The following C2CD2L variants were observed in gnomAD, a reference collection of about 807,000 sequenced individuals.
C2CD2L encodes the protein phospholipid transfer protein C2CD2L.
Under a neutral mutation model 69.9 loss-of-function variants are expected in C2CD2L, and 24 were observed. The ratio of observed to expected loss-of-function variants is 0.34; its 90% CI spans 0.25 to 0.48. The LOEUF (loss-of-function observed/expected upper bound fraction) is 0.48. Among genes scored for constraint, C2CD2L ranks in the 20% least tolerant of loss-of-function variants. The pLI is 0.99. For missense variants in C2CD2L, 811 were observed against 941.5 expected, an observed-to-expected ratio of 0.86 and a Z score of 1.81; for synonymous variants, 367 against 391.0, an observed-to-expected ratio of 0.94 and a Z score of 0.72.
Position 119,112,734 on chromosome 11 carries a change from G to T in C2CD2L, c.1247G>T (p.Gly416Val). The T allele has an allele frequency of 6.2e-7, 1 of 1,613,790 alleles. No homozygotes were observed. The highest frequency in any genetic ancestry group is 8.5e-7 in the Non-Finnish European group (1 of 1,179,828). The change falls in exon 10 of 14, where the codon GGT becomes GTT. Residue 416 changes from glycine (G) to valine (V), a missense_variant. By Grantham distance (109) the Gly-to-Val change is moderately radical. Coordinates refer to ENST00000648610, the MANE Select transcript of C2CD2L (RefSeq NM_001290474.2). ...GAGGAGGGCTCTCCCCGGAACCTGG[G>T]TACTCCCACCTCCTCCACTCCACGC... The part of the protein sequence containing the change: ...HYEEGSPRNL[G>V]TPTSSTPRPS...
chr11:119,117,771 G>GA lies in C2CD2L; in HGVS notation c.*1516dup, dbSNP rs1946928262. 6.6e-6 allele frequency: 1 copy of GA among 152,180 alleles called. No individual in the cohort carries two copies. Among genetic ancestry groups the GA allele is most frequent in the African/African-American group, 2.4e-5 (1 of 41,430 alleles). 9.4% of individuals were successfully genotyped at this position (152,180 alleles called of 1,614,324 possible). On this transcript the variant is annotated 3_prime_UTR_variant, in exon 14 of 14. Coordinates refer to ENST00000648610, the MANE Select transcript of C2CD2L (RefSeq NM_001290474.2). ...ACTTGAACCAGGTAAGCTGCTACAG[G>GA]ATATTGGGCAGAATGCAGGACCAGG...
chr11:119,114,180 C>T lies in C2CD2L; in HGVS notation c.1724C>T (p.Ser575Leu), dbSNP rs1277648786. The T allele has an allele frequency of 2.5e-6, 4 of 1,614,042 alleles. No individual in the cohort carries two copies. The African/African-American group carries it at 5.3e-5, about 22-fold the overall frequency. ...DDAGTSGGPS[S>L]PPSDPPAMSP... ...GCAGGGACCAGCGGAGGCCCCTCTT[C>T]ACCTCCCTCAGACCCACCAGCCATG... The change falls in exon 13 of 14, where the codon TCA (serine) becomes TTA (leucine). Residue 575 changes from serine (S) to leucine (L), a missense_variant. Ser to Leu is a moderately radical substitution (Grantham distance 145). Coordinates refer to ENST00000648610, the MANE Select transcript of C2CD2L (RefSeq NM_001290474.2). The surrounding 1 kb of genome is among the most constrained non-coding windows in gnomAD (Gnocchi z 5.1).
intron 10 of C2CD2L, chr11:119,113,410 C>T: frequency 1.5e-6 from 1 of 683,874 alleles, no homozygotes; most frequent in Non-Finnish European, 2.4e-6. Flanking sequence ...CAGCAGGCCC[C>T]ATGGCACTTT....
In C2CD2L at chr11:119,114,442, G is replaced by A. The variant is rs956886589; in HGVS notation, c.1909+77G>A. 9.2e-6 allele frequency: 13 copies of A among 1,410,602 alleles called. No individual in the cohort carries two copies. The highest frequency in any genetic ancestry group is 1.8e-5 in the Admixed American group (1 of 57,092). The allele number at this position is 1,410,602 out of a possible 1,614,324, so 87.4% of individuals were successfully genotyped here. ...ATGACCTGGGGGACCTCGAGCCAGT[G>A]TGCCTTCTCCTTCCTCCCCTAAGAG... On this transcript the variant is annotated intron_variant, in intron 13 of 13. Coordinates refer to ENST00000648610, the MANE Select transcript of C2CD2L (RefSeq NM_001290474.2). The surrounding 1 kb of genome is among the most constrained non-coding windows in gnomAD (Gnocchi z 5.1).
At chr11:119,105,193 G>A (rs939085837), upstream of C2CD2L, among the ~76,000 whole-genome samples, 8 of 152,214 alleles carry the variant, frequency 5.3e-5, no homozygotes, top group Non-Finnish European at 1.2e-4. Flanking sequence ...CATATTTGGA[G>A]CATCTTGGTT....
Position 119,110,909 on chromosome 11 carries a change from T to A in C2CD2L, c.633T>A (p.Asp211Glu). 2 of 1,614,134 alleles carry A rather than the reference T, an allele frequency of 1.2e-6. No individual in the cohort carries two copies. The highest frequency in any genetic ancestry group is 1.7e-6 in the Non-Finnish European group (2 of 1,180,000). ...TGCTCATATCCTGGGCCTTCACTGATCGCCCAGATCTCAGCCTAACGGTGC... is the reference window on the plus strand; with the variant it reads ...TGCTCATATCCTGGGCCTTCACTGAACGCCCAGATCTCAGCCTAACGGTGC... ...EGLLISWAFT[D>E]RPDLSLTVLP... is the part of the protein sequence containing the mutation. Residue 211 changes from aspartate to glutamate, a missense_variant, in exon 4 of 14, where the codon GAT becomes GAA. Physicochemically the swap from Asp to Glu is conservative, Grantham distance 45. Coordinates refer to ENST00000648610, the MANE Select transcript of C2CD2L (RefSeq NM_001290474.2). This position sits in a 1 kb window ranked among gnomAD's most constrained non-coding sequence, Gnocchi z 5.7.
In C2CD2L at chr11:119,111,154, G is replaced by T; in HGVS notation, c.784G>T (p.Ala262Ser). ...GATGGTCAACCTCAGGGCTTGCTCTGCCCCAGGAGGCCTGGTGAGTTGGCA... is the reference window on the plus strand; with the variant it reads ...GATGGTCAACCTCAGGGCTTGCTCTTCCCCAGGAGGCCTGGTGAGTTGGCA... Reference protein sequence around the residue: ...AMMVNLRACSAPGGLVPSEKP... With the variant: ...AMMVNLRACSSPGGLVPSEKP... Residue 262 changes from alanine (A) to serine (S), a missense_variant, in exon 5 of 14, where the codon GCC becomes TCC. Ala to Ser is a moderately conservative substitution (Grantham distance 99). Coordinates refer to ENST00000648610, the MANE Select transcript of C2CD2L (RefSeq NM_001290474.2). 6.2e-7 allele frequency: 1 copy of T among 1,613,746 alleles called. No homozygotes were observed. The highest frequency in any genetic ancestry group is 8.5e-7 in the Non-Finnish European group (1 of 1,179,932).
chr11:119,108,595 T>C (rs1278499609), intron 1 of C2CD2L, among the ~76,000 whole-genome samples: 2 of 152,324 alleles, frequency 1.3e-5, no homozygotes, highest in Admixed American at 6.5e-5. Flanking sequence ...CATGCTGGCC[T>C]GTGGTTCACT....
In C2CD2L at chr11:119,114,886, G is replaced by A. The variant is rs1236106141; in HGVS notation, c.1909+521G>A. The A allele has an allele frequency of 6.0e-6, 1 of 166,464 alleles. No individual in the cohort carries two copies. The highest frequency in any genetic ancestry group is 2.4e-5 in the African/African-American group (1 of 41,554). The allele number at this position is 166,464 out of a possible 1,614,324, so 10.3% of individuals were successfully genotyped here. A position where few individuals can be genotyped will look rare whatever the true frequency, so the allele number is the denominator to read the frequency against. On this transcript the variant is annotated intron_variant, in intron 13 of 13. Transcript: ENST00000648610. This position sits in a 1 kb window ranked among gnomAD's most constrained non-coding sequence, Gnocchi z 5.1. ...GCCTGGGAGGTTGAGGTTCAAGGAG[G>A]TTGAAGCAGTGAGCCGTGATTGTGC...
chr11:119,113,138 C>A lies in C2CD2L; in HGVS notation c.1387+264C>A. On this transcript the variant is annotated intron_variant, in intron 10 of 13. Coordinates refer to ENST00000648610, the MANE Select transcript of C2CD2L (RefSeq NM_001290474.2). The stretch of plus-strand genomic sequence containing the variant: ...CTCATACAGGACTGTTGCACTCCTA[C>A]CTTCCAGCTTCCCCTCTGGCTTTTC... The A allele has an allele frequency of 5.6e-6, 3 of 532,358 alleles. No individual in the cohort carries two copies. In the South Asian group the frequency reaches 7.2e-5, roughly 13 times the overall value. 33.0% of individuals were successfully genotyped at this position (532,358 alleles called of 1,614,324 possible).
Position 119,107,675 on chromosome 11 carries a change from C to T in C2CD2L, c.-67C>T, listed in dbSNP as rs1449584670. 4 of 1,068,798 alleles carry T rather than the reference C, an allele frequency of 3.7e-6. No homozygotes were observed. Among genetic ancestry groups the T allele is most frequent in the East Asian group, 3.3e-5 (1 of 30,444 alleles). The allele number at this position is 1,068,798 out of a possible 1,614,324, so 66.2% of individuals were successfully genotyped here. On this transcript the variant is annotated 5_prime_UTR_variant, in exon 1 of 14. Coordinates refer to ENST00000648610, the MANE Select transcript of C2CD2L (RefSeq NM_001290474.2). The surrounding 1 kb of genome is among the most constrained non-coding windows in gnomAD (Gnocchi z 5.4). ...GCCCACCTCCTCCCCGCGGCCCGCC[C>T]GGGCCATGCTCCCCCGGGGCAGCGG...
Position 119,110,431 on chromosome 11 carries a change from A to T in C2CD2L, c.451-130A>T. 2 of 1,114,802 alleles carry T rather than the reference A, an allele frequency of 1.8e-6. No homozygotes were observed. The highest frequency in any genetic ancestry group is 2.5e-6 in the Non-Finnish European group (2 of 802,402). The allele number at this position is 1,114,802 out of a possible 1,614,324, so 69.1% of individuals were successfully genotyped here. The stretch of plus-strand genomic sequence containing the variant: ...TGGCATTTATCTGATTCTTTTAGGG[A>T]TTTATGATCCTGAAAACATGAAGTC... On this transcript the variant is annotated intron_variant, in intron 2 of 13. Coordinates refer to ENST00000648610, the MANE Select transcript of C2CD2L (RefSeq NM_001290474.2). This position sits in a 1 kb window ranked among gnomAD's most constrained non-coding sequence, Gnocchi z 5.7.
Position 119,112,584 on chromosome 11 carries a change from G to T in C2CD2L, c.1187G>T (p.Gly396Val). Reference protein sequence around the residue: ...PLTPGPGKALGPAATMAVELH... With the variant: ...PLTPGPGKALVPAATMAVELH... ...ACCCCAGGGCCAGGGAAAGCCCTGG[G>T]ACCAGCAGCCACCATGGCAGTGGAG... Residue 396 changes from glycine (G) to valine (V), a missense_variant, in exon 9 of 14, where the codon GGA becomes GTA. Physicochemically the swap from Gly to Val is moderately radical, Grantham distance 109. Transcript: ENST00000648610. 6.2e-7 allele frequency: 1 copy of T among 1,611,480 alleles called. No individual in the cohort carries two copies. The highest frequency in any genetic ancestry group is 1.1e-5 in the South Asian group (1 of 90,956).
At chr11:119,105,022 T>C (rs1258633229), upstream of C2CD2L, among the ~76,000 whole-genome samples, 1 of 152,212 alleles carries the variant, frequency 6.6e-6, no homozygotes, top group African/African-American at 2.4e-5. Flanking sequence ...AAGACAGAAA[T>C]GGCATAGAAA....
upstream of C2CD2L, among the ~76,000 whole-genome samples, chr11:119,103,417 C>T (rs934042302): frequency 4.6e-5 from 7 of 152,162 alleles, no homozygotes; most frequent in African/African-American, 1.7e-4. Context: ...AGATGTGAGG[C>T]CGGGCGCAGT....
At chr11:119,105,212 G>A (rs1443550063), upstream of C2CD2L, among the ~76,000 whole-genome samples, 4 of 152,194 alleles carry the variant, frequency 2.6e-5, no homozygotes, top group South Asian at 2.1e-4. Flanking sequence ...TTGAATTTGA[G>A]GGAAAAGAGA....
At chr11:119,115,773 A>G in intron 13 of C2CD2L, 1 of 552,168 alleles carries the variant, frequency 1.8e-6, no homozygotes, top group Non-Finnish European at 3.2e-6. Context: ...GGCAGAGTTA[A>G]GATTGTACAC....
chr11:119,110,098 CCT>C lies in C2CD2L; in HGVS notation c.355-4_355-3del. 6.2e-7 allele frequency: 1 copy of C among 1,607,082 alleles called. No homozygotes were observed. The highest frequency in any genetic ancestry group is 8.5e-7 in the Non-Finnish European group (1 of 1,173,592). ...ACCTGATCCAATGCCCACATTACTC[CCT>C]CAGAGCTCCATCCAAATCGCCTTTG... On this transcript the variant is annotated splice_region_variant and splice_polypyrimidine_tract_variant and intron_variant, in intron 1 of 13. Coordinates refer to ENST00000648610, the MANE Select transcript of C2CD2L (RefSeq NM_001290474.2). The surrounding 1 kb of genome is among the most constrained non-coding windows in gnomAD (Gnocchi z 5.7).
At chr11:119,111,991 A>C in intron 7 of C2CD2L, 1 of 443,078 alleles carries the variant, frequency 2.3e-6, no homozygotes, top group South Asian at 2.7e-5. Flanking sequence ...CACACTTTAG[A>C]GCAAGAGTAG....
Sources: gnomAD v4.1 joint callset for allele counts (sites outside exome capture counted in the v4.1 genomes callset) on GRCh38, gnomAD v4.1.1 for gene constraint, Gnocchi (gnomAD v3.1) non-coding constraint, MANE v1.5 for transcripts, NCBI Gene and HGNC (gene_info 2026-07-23, HGNC 2026-07-21) for gene names.